Variants in NTRK2 observed in about 807,000 individuals in gnomAD.
NTRK2 encodes BDNF/NT-3 growth factors receptor.
Under a neutral mutation model 94.5 loss-of-function variants are expected in NTRK2, and 13 were observed. The observed-to-expected ratio is 0.14, with a 90% CI of 0.09 to 0.22. NTRK2 has a LOEUF of 0.22. Ranked by LOEUF, NTRK2 falls within the 10% of genes least tolerant of loss-of-function variation. The probability of loss-of-function intolerance (pLI) is 1.00; values close to 1 mark genes in which losing one functional copy is unlikely to be tolerated. For missense variants in NTRK2, 639 were observed against 1,071.2 expected (o/e 0.60, Z 5.63); for synonymous variants, 372 against 407.4 (o/e 0.91, Z 1.05).
At chr9:84,803,231 C>A (rs1397867196) in intron 12 of NTRK2, among the ~76,000 whole-genome samples, 3 of 152,120 alleles carry the variant, frequency 2.0e-5, no homozygotes, top group African/African-American at 7.2e-5. Context: ...TGGGAACAGG[C>A]ACTAGAGAAA....
chr9:84,872,309 A>T, intron 14 of NTRK2: 2 of 1,110,150 alleles, frequency 1.8e-6, no homozygotes, highest in Non-Finnish European at 2.2e-6. Context: ...AAACAAACAG[A>T]AACAAAACAT....
chr9:84,891,313 T>TTTTTTTTTTTTTTTTTTTTTTTGA (rs1305909168), intron 14 of NTRK2, among the ~76,000 whole-genome samples: 1 of 151,266 alleles, frequency 6.6e-6, no homozygotes, highest in African/African-American at 2.4e-5. Context: ...TGCATTCTTT[T>TTTTTTTTTTTTTTTTTTTTTTTGA]GGTTAAAATA....
chr9:84,708,355 A>T (rs2061236430), intron 5 of NTRK2, among the ~76,000 whole-genome samples: 1 of 152,170 alleles, frequency 6.6e-6, no homozygotes, highest in Non-Finnish European at 1.5e-5. Flanking sequence ...CATCTTAAGG[A>T]TAGGGGACAT....
intron 14 of NTRK2, among the ~76,000 whole-genome samples, chr9:84,889,139 C>T (rs1235253411): frequency 2.0e-5 from 3 of 149,268 alleles, no homozygotes; most frequent in African/African-American, 4.9e-5. Flanking sequence ...TACAGGCGCC[C>T]GCTACCACGC....
chr9:84,747,476 T>G (rs887691580), intron 11 of NTRK2, among the ~76,000 whole-genome samples: 4 of 139,848 alleles, frequency 2.9e-5, no homozygotes, highest in South Asian at 2.5e-4. Context: ...TTTCTGGGTT[T>G]TTTTTTTTTT....
intron 12 of NTRK2, among the ~76,000 whole-genome samples, chr9:84,772,511 G>T (rs1359096025): frequency 6.6e-6 from 1 of 152,126 alleles, no homozygotes; most frequent in African/African-American, 2.4e-5. Context: ...GCCTCCCAAG[G>T]TGCTGATAAA....
chr9:84,867,817 A>G (rs1025623051), intron 14 of NTRK2, among the ~76,000 whole-genome samples: 2 of 152,168 alleles, frequency 1.3e-5, no homozygotes, highest in African/African-American at 4.8e-5. Flanking sequence ...AGCCTATAGA[A>G]AGTAATTGAA....
chr9:84,686,825 A>T (rs72737659), intron 2 of NTRK2, among the ~76,000 whole-genome samples: 8,272 of 152,286 alleles, frequency 0.054, 368 homozygotes, highest in African/African-American at 0.11. Context: ...AAAAAACCCA[A>T]CTGATAGACA....
At chr9:84,724,731 G>C (rs953269138) in intron 8 of NTRK2, among the ~76,000 whole-genome samples, 5 of 152,108 alleles carry the variant, frequency 3.3e-5, no homozygotes, top group Non-Finnish European at 7.4e-5. Context: ...ATGCTTTAAA[G>C]TTATGATACC....
intron 12 of NTRK2, among the ~76,000 whole-genome samples, chr9:84,844,421 G>A (rs2074354535): frequency 6.6e-6 from 1 of 152,090 alleles, no homozygotes; most frequent in Admixed American, 6.6e-5. Flanking sequence ...GTAAGGGGAG[G>A]GAGGTCAAAT....
chr9:84,934,048 A>T, intron 14 of NTRK2, 114 bp from the exon 15 acceptor site: 1 of 1,164,992 alleles, frequency 8.6e-7, no homozygotes, highest in Non-Finnish European at 1.3e-6. Context: ...TTCACTGTGC[A>T]CAGAGGAGAG....
intron 15 of NTRK2, among the ~76,000 whole-genome samples, chr9:84,942,926 A>G (rs933997350): frequency 2.6e-5 from 4 of 152,206 alleles, no homozygotes; most frequent in Admixed American, 6.5e-5. Context: ...ATCTTGCCAC[A>G]GTGATCCTAA....
intron 9 of NTRK2, among the ~76,000 whole-genome samples, chr9:84,735,371 C>A (rs545106768): frequency 1.8e-4 from 27 of 152,134 alleles, no homozygotes; most frequent in Admixed American, 7.2e-4. Flanking sequence ...GAAAATGGGC[C>A]AAACTAATGT....
intron 14 of NTRK2, chr9:84,877,411 G>C (rs1426812657): frequency 9.4e-7 from 1 of 1,066,084 alleles, no homozygotes; most frequent in African/African-American, 1.6e-5. Context: ...TTTGGAGAGA[G>C]GGGACTTTGA....
chr9:84,708,837 A>C (rs1365234574), intron 5 of NTRK2, among the ~76,000 whole-genome samples: 1 of 152,210 alleles, frequency 6.6e-6, no homozygotes, highest in Non-Finnish European at 1.5e-5. Context: ...ATTGAGAATT[A>C]TTTGGAATAA....
intron 12 of NTRK2, among the ~76,000 whole-genome samples, chr9:84,754,231 A>C (rs2064882184): frequency 6.6e-6 from 1 of 152,120 alleles, no homozygotes; most frequent in South Asian, 2.1e-4. Flanking sequence ...TAACTACTAT[A>C]CATATTGTAT....
chr9:84,734,592 T>C (rs1453058959), intron 9 of NTRK2, among the ~76,000 whole-genome samples: 1 of 152,180 alleles, frequency 6.6e-6, no homozygotes, highest in African/African-American at 2.4e-5. Context: ...TGGGAGGTAA[T>C]TGAATCATGG....
intron 12 of NTRK2, among the ~76,000 whole-genome samples, chr9:84,775,847 A>G (rs557383341): frequency 1.1e-4 from 17 of 152,286 alleles, no homozygotes; most frequent in African/African-American, 3.4e-4. Flanking sequence ...TCCCAGACCT[A>G]CTGAATTCAA....
intron 12 of NTRK2, among the ~76,000 whole-genome samples, chr9:84,800,940 T>C (rs1454598479): frequency 6.6e-6 from 1 of 152,206 alleles, no homozygotes; most frequent in African/African-American, 2.4e-5. Context: ...ATTGGAATTT[T>C]TGAGCAAAGT....
Sources: gnomAD v4.1 joint callset for allele counts (sites outside exome capture counted in the v4.1 genomes callset) on GRCh38, gnomAD v4.1.1 for gene constraint, MANE v1.5 for transcripts, NCBI Gene and HGNC (gene_info 2026-07-23, HGNC 2026-07-21) for gene names.